Variants in UGGT2 observed in about 807,000 individuals in gnomAD.
UGGT2 encodes the protein UDP-glucose glycoprotein glucosyltransferase 2.
In UGGT2, 180 loss-of-function variants were observed where a neutral mutation model predicts 192.1. The observed-to-expected ratio is 0.94, with a 90% confidence interval of 0.83 to 1.06. The LOEUF (loss-of-function observed/expected upper bound fraction) is 1.06. Among genes scored for constraint, UGGT2 ranks in the 50% least tolerant of loss-of-function variants. The probability of loss-of-function intolerance (pLI) is 0.00; values close to 1 mark genes in which losing one functional copy is unlikely to be tolerated. For synonymous variants in UGGT2, 580 were observed against 591.0 expected, an observed-to-expected ratio of 0.98 and a Z score of 0.27; for missense variants, 1,849 against 1,795.7, an observed-to-expected ratio of 1.03 and a Z score of -0.54.
At chr13:96,050,145 G>T (rs1278315914) in intron 1 of UGGT2, among the ~76,000 whole-genome samples, 1 of 152,116 alleles carries the variant, frequency 6.6e-6, no homozygotes, top group African/African-American at 2.4e-5. Context: ...TAGACCAATG[G>T]AACAGAGCAG....
chr13:95,896,791 G>C (rs755363534), intron 22 of UGGT2, among the ~76,000 whole-genome samples: 1 of 152,066 alleles, frequency 6.6e-6, no homozygotes, highest in Non-Finnish European at 1.5e-5. Flanking sequence ...TAATGTCCAA[G>C]TTGGGTAAAA....
intron 30 of UGGT2, among the ~76,000 whole-genome samples, chr13:95,866,213 T>A (rs966410518): frequency 6.6e-6 from 1 of 152,192 alleles, no homozygotes; most frequent in African/African-American, 2.4e-5. Flanking sequence ...AGTTCTACTT[T>A]AAAAAAATCT....
chr13:95,908,393 A>G (rs1159342915), intron 20 of UGGT2, among the ~76,000 whole-genome samples: 1 of 152,218 alleles, frequency 6.6e-6, no homozygotes, highest in Non-Finnish European at 1.5e-5. Context: ...CAGGAAATAC[A>G]GAGAACATCA....
intron 5 of UGGT2, among the ~76,000 whole-genome samples, chr13:96,004,817 C>A (rs2051922199): frequency 6.6e-6 from 1 of 151,936 alleles, no homozygotes; most frequent in African/African-American, 2.4e-5. Context: ...TAAACAGCCA[C>A]CTAGTTATGA....
intron 38 of UGGT2, among the ~76,000 whole-genome samples, chr13:95,824,393 C>G (rs1292200271): frequency 6.7e-6 from 1 of 149,652 alleles, no homozygotes; most frequent in Non-Finnish European, 1.5e-5. Flanking sequence ...GTTTTGCAAA[C>G]TTCTAGCCTT....
Position 95,979,548 on chromosome 13 carries a change from CAA to C in UGGT2, c.1092+4254_1092+4255del, listed in dbSNP as rs57487353. 1.5e-4 allele frequency among the ~76,000 whole-genome samples: 15 copies of C among 98,794 alleles called. No individual in the cohort carries two copies. The East Asian group carries it at 4.4e-3, about 29-fold the overall frequency. 64.8% of individuals were successfully genotyped at this position (98,794 alleles called of 152,430 possible). A position where few individuals can be genotyped will look rare whatever the true frequency, so the allele number is the denominator to read the frequency against. On this transcript the variant is annotated intron_variant, in intron 10 of 38. Coordinates refer to ENST00000376747, the MANE Select transcript of UGGT2 (RefSeq NM_020121.4). ...TTCTCATTTCCCCTGGTCTCTTACGCAAAAAAAAAAAAAATACAGACTTGCTT... is the reference window on the plus strand; with the variant it reads ...TTCTCATTTCCCCTGGTCTCTTACGCAAAAAAAAAAAATACAGACTTGCTT...
chr13:95,847,185 G>A (rs1277066708), intron 36 of UGGT2, among the ~76,000 whole-genome samples: 1 of 150,590 alleles, frequency 6.6e-6, no homozygotes, highest in Non-Finnish European at 1.5e-5. Flanking sequence ...CAAATTAAGA[G>A]GAAGGCACAG....
At chr13:95,828,592 C>T (rs1302732322) in intron 38 of UGGT2, among the ~76,000 whole-genome samples, 1 of 152,114 alleles carries the variant, frequency 6.6e-6, no homozygotes, top group Non-Finnish European at 1.5e-5. Flanking sequence ...TTCCTGGATA[C>T]ATGCACCCTC....
intron 8 of UGGT2, chr13:95,989,712 C>G: frequency 3.7e-6 from 1 of 269,542 alleles, no homozygotes; most frequent in South Asian, 5.6e-5. Context: ...TTGAGACTAA[C>G]CTATAAATCA....
intron 12 of UGGT2, among the ~76,000 whole-genome samples, chr13:95,960,237 T>A (rs1437575466): frequency 6.6e-6 from 1 of 152,008 alleles, no homozygotes; most frequent in Non-Finnish European, 1.5e-5. Flanking sequence ...CAGCAACAGA[T>A]CCCAATCTAA....
At chr13:95,854,791 A>G (rs2140043115) in intron 34 of UGGT2, among the ~76,000 whole-genome samples, 1 of 152,266 alleles carries the variant, frequency 6.6e-6, no homozygotes, top group East Asian at 1.9e-4. Flanking sequence ...AATATTACGT[A>G]AGTGCAGAGC....
intron 12 of UGGT2, among the ~76,000 whole-genome samples, chr13:95,958,362 T>C (rs1040435176): frequency 6.6e-6 from 1 of 152,070 alleles, no homozygotes. Flanking sequence ...CGTGTTAGCC[T>C]GGATGGTCTC....
At chr13:95,956,270 A>T (rs899137173) in intron 12 of UGGT2, among the ~76,000 whole-genome samples, 35 of 152,342 alleles carry the variant, frequency 2.3e-4, no homozygotes, top group Non-Finnish European at 3.8e-4. Context: ...TTTATGATCA[A>T]CTGATATCTG....
intron 38 of UGGT2, among the ~76,000 whole-genome samples, chr13:95,818,122 A>G (rs1441822678): frequency 1.3e-5 from 2 of 152,172 alleles, no homozygotes; most frequent in East Asian, 3.9e-4. Flanking sequence ...GCCCCGGGCA[A>G]TGCAGTGAGC....
chr13:95,949,450 A>G lies in UGGT2; in HGVS notation c.1340T>C (p.Ile447Thr), dbSNP rs2049988113. ...LDIRHSSIMW[I>T]NDLENDDLYI... ...CAAATCATCATTTTCTAAGTCATTA[A>G]TCCACTAGAAAAGAACGCAGACACT... is the stretch of plus-strand genomic sequence containing the variant. The change falls in exon 13 of 39, where the codon ATT (isoleucine) becomes ACT (threonine). Residue 447 changes from isoleucine (I) to threonine (T), a missense_variant. Ile to Thr is a moderately conservative substitution (Grantham distance 89). Transcript: ENST00000376747. 1.3e-6 allele frequency: 2 copies of G among 1,492,774 alleles called. No individual in the cohort carries two copies. Among genetic ancestry groups the G allele is most frequent in the Admixed American group, 2.1e-5 (1 of 47,934 alleles). 92.5% of individuals were successfully genotyped at this position (1,492,774 alleles called of 1,614,324 possible). A position where few individuals can be genotyped will look rare whatever the true frequency, so the allele number is the denominator to read the frequency against.
chr13:95,889,456 T>C (rs2140227992), intron 25 of UGGT2, among the ~76,000 whole-genome samples: 1 of 152,306 alleles, frequency 6.6e-6, no homozygotes, highest in African/African-American at 2.4e-5. Context: ...TTTGAAATTT[T>C]GATATACAGC....
chr13:95,926,137 T>C (rs1288662702), intron 19 of UGGT2, among the ~76,000 whole-genome samples: 3 of 152,016 alleles, frequency 2.0e-5, no homozygotes, highest in Admixed American at 1.3e-4. Flanking sequence ...CCCAAATATA[T>C]GTAAAACCGT....
At chr13:95,900,440 CAAG>C (rs1319401085) in intron 22 of UGGT2, among the ~76,000 whole-genome samples, 2 of 152,084 alleles carry the variant, frequency 1.3e-5, no homozygotes, top group African/African-American at 2.4e-5. Context: ...ACTGTAGGAA[CAAG>C]AAGAAAGATG....
intron 20 of UGGT2, among the ~76,000 whole-genome samples, chr13:95,925,161 T>A (rs922585128): frequency 7.9e-5 from 12 of 152,238 alleles, no homozygotes; most frequent in Non-Finnish European, 1.6e-4. Flanking sequence ...TATGAAAGAC[T>A]ACTTTTATAT....
Sources: allele counts gnomAD v4.1 joint callset (sites outside exome capture counted in the v4.1 genomes callset), GRCh38; gene constraint gnomAD v4.1.1; transcripts MANE v1.5; gene names NCBI Gene and HGNC (gene_info 2026-07-23, HGNC 2026-07-21).